ACOXL: variants seen among roughly 807,000 people sequenced by gnomAD.
The protein encoded by ACOXL is acyl-coenzyme A oxidase-like protein.
In ACOXL, 70 loss-of-function variants were observed where a neutral mutation model predicts 71.9. The observed-to-expected ratio is 0.97, with a 90% CI of 0.80 to 1.19. The LOEUF (loss-of-function observed/expected upper bound fraction) is 1.19. ACOXL is among the 50% of genes most tolerant of loss of function. The pLI is 0.00. For missense variants in ACOXL, 703 were observed against 736.3 expected, an observed-to-expected ratio of 0.95 and a Z score of 0.52; for synonymous variants, 253 against 281.6, an observed-to-expected ratio of 0.90 and a Z score of 1.02.
chr2:110,921,400 CTT>C (rs59941176), intron 11 of ACOXL, among the ~76,000 whole-genome samples: 3 of 100,904 alleles, frequency 3.0e-5, no homozygotes, highest in Non-Finnish European at 3.9e-5. Context: ...CCCCCCCCCC[CTT>C]TTTTTTTTGA....
intron 10 of ACOXL, among the ~76,000 whole-genome samples, chr2:110,843,643 A>T (rs1691448621): frequency 6.6e-6 from 1 of 152,182 alleles, no homozygotes; most frequent in Non-Finnish European, 1.5e-5. Flanking sequence ...GGAGGAAGTT[A>T]GCAGCTGTCT....
chr2:110,968,708 G>T, intron 12 of ACOXL: 1 of 1,080,858 alleles, frequency 9.3e-7, no homozygotes, highest in Non-Finnish European at 1.3e-6. Flanking sequence ...TCAGGAGCGG[G>T]CTGCTGAGAG....
chr2:111,109,515 C>G (rs572958759), intron 17 of ACOXL, among the ~76,000 whole-genome samples: 2 of 151,800 alleles, frequency 1.3e-5, no homozygotes, highest in African/African-American at 4.8e-5. Flanking sequence ...ATTTTTGTTC[C>G]GCAATACTCA....
intron 17 of ACOXL, among the ~76,000 whole-genome samples, chr2:111,117,185 C>T (rs957717104): frequency 6.6e-6 from 1 of 152,160 alleles, no homozygotes; most frequent in African/African-American, 2.4e-5. Context: ...GTTCCCTCTG[C>T]GCGCCAGAGG....
At chr2:110,771,578 C>T (rs796193116) in intron 2 of ACOXL, among the ~76,000 whole-genome samples, 65 of 152,342 alleles carry the variant, frequency 4.3e-4, no homozygotes, top group African/African-American at 1.5e-3. Context: ...AATATTTCCA[C>T]GCTGTGTTTT....
chr2:111,028,386 ACCTCAGC>A (rs1471595225), intron 14 of ACOXL, among the ~76,000 whole-genome samples: 2 of 151,506 alleles, frequency 1.3e-5, no homozygotes, highest in Non-Finnish European at 2.9e-5. Flanking sequence ...CAATCCTCCC[ACCTCAGC>A]CCTCTGAGCT....
chr2:111,111,068 A>G (rs1179235029), intron 17 of ACOXL, among the ~76,000 whole-genome samples: 1 of 152,136 alleles, frequency 6.6e-6, no homozygotes, highest in Admixed American at 6.5e-5. Flanking sequence ...ACAAAACTAA[A>G]CTATCAGTTG....
chr2:110,822,850 A>G lies in ACOXL; in HGVS notation c.753+17455A>G, dbSNP rs938118507. 6.6e-5 allele frequency among the ~76,000 whole-genome samples: 10 copies of G among 152,246 alleles called. No homozygotes were observed. In the East Asian group the frequency reaches 1.2e-3, roughly 18 times the overall value. On this transcript the variant is annotated intron_variant, in intron 9 of 17. Transcript: ENST00000439055. ...CCTCCCCATACCTTTGGCCACCCCA[A>G]TCTGTTCACCATCTCTATAGTTTTT...
intron 10 of ACOXL, among the ~76,000 whole-genome samples, chr2:110,858,805 C>T (rs912395966): frequency 6.6e-6 from 1 of 152,118 alleles, no homozygotes; most frequent in Non-Finnish European, 1.5e-5. Context: ...TTCCTTACAC[C>T]TTTTTCTGAG....
chr2:110,762,895 A>C (rs536176675), intron 1 of ACOXL, among the ~76,000 whole-genome samples: 1 of 152,280 alleles, frequency 6.6e-6, no homozygotes, highest in Middle Eastern at 3.4e-3. Flanking sequence ...GGGCTCGAGC[A>C]ATCTGCCCAC....
chr2:111,117,617 T>TG lies in ACOXL; in HGVS notation c.1545dup (p.Leu516AlafsTer10), dbSNP rs2070452572. 6.4e-7 allele frequency: 1 copy of TG among 1,551,674 alleles called. No individual in the cohort carries two copies. Among genetic ancestry groups the TG allele is most frequent in the African/African-American group, 1.4e-5 (1 of 73,066 alleles). On this transcript the variant is annotated frameshift_variant and splice_region_variant, in exon 18 of 18. Transcript: ENST00000439055. LOFTEE classifies it low-confidence loss of function (END_TRUNC). ...GTCCCATTGTGTTGTGTTTTGCAGT[T>TG]GCTGGATTTGTGCGACTCGGTGAAG...
At chr2:110,825,332 A>G (rs1689043946) in intron 9 of ACOXL, among the ~76,000 whole-genome samples, 1 of 152,198 alleles carries the variant, frequency 6.6e-6, no homozygotes, top group South Asian at 2.1e-4. Context: ...GGAAATAACA[A>G]TTAAAAAACC....
intron 15 of ACOXL, among the ~76,000 whole-genome samples, chr2:111,035,743 C>T (rs1337853963): frequency 6.6e-6 from 1 of 152,184 alleles, no homozygotes; most frequent in East Asian, 1.9e-4. Flanking sequence ...TGTTTTGAAA[C>T]AAGACTTTCT....
chr2:111,093,863 CA>C (rs1441720487), intron 17 of ACOXL: 3 of 198,346 alleles, frequency 1.5e-5, no homozygotes, highest in Non-Finnish European at 3.0e-5. Context: ...GACTCCATCT[CA>C]AAACAAAACA....
intron 10 of ACOXL, among the ~76,000 whole-genome samples, chr2:110,848,059 A>C (rs1692139240): frequency 6.6e-6 from 1 of 152,244 alleles, no homozygotes; most frequent in Non-Finnish European, 1.5e-5. Flanking sequence ...TGCCATCTTG[A>C]AATACAAAAG....
chr2:110,756,360 C>T (rs971041708), intron 1 of ACOXL, among the ~76,000 whole-genome samples: 2 of 152,268 alleles, frequency 1.3e-5, no homozygotes, highest in Middle Eastern at 3.4e-3. Flanking sequence ...AACTCCTGAC[C>T]TCAGTTGATC....
intron 2 of ACOXL, among the ~76,000 whole-genome samples, chr2:110,769,260 A>G (rs1030104230): frequency 3.3e-5 from 5 of 151,924 alleles, no homozygotes; most frequent in Admixed American, 2.6e-4. Flanking sequence ...GAAAGAAAGA[A>G]AGAAAAAAAT....
chr2:110,937,035 TG>T (rs2149354289), intron 12 of ACOXL, among the ~76,000 whole-genome samples: 1 of 152,234 alleles, frequency 6.6e-6, no homozygotes, highest in Admixed American at 6.5e-5. Context: ...TTAGTAGAGA[TG>T]GGGTTTTACC....
chr2:110,851,613 G>A (rs184017452), intron 10 of ACOXL, among the ~76,000 whole-genome samples: 182 of 152,338 alleles, frequency 1.2e-3, no homozygotes, highest in African/African-American at 4.3e-3. Context: ...TGAGGCCCTC[G>A]TGGTGGGGTG....
Sources: gnomAD v4.1 joint callset for allele counts (sites outside exome capture counted in the v4.1 genomes callset) on GRCh38, gnomAD v4.1.1 for gene constraint, MANE v1.5 for transcripts, NCBI Gene and HGNC (gene_info 2026-07-23, HGNC 2026-07-21) for gene names.